The following ARHGAP40 variants were observed in gnomAD, a reference collection of about 807,000 sequenced individuals.
ARHGAP40 encodes rho GTPase-activating protein 40.
A neutral mutation model predicts 73.5 loss-of-function variants in ARHGAP40; 43 were observed. That is an observed-to-expected ratio of 0.58 (90% CI 0.46 to 0.75). The LOEUF (loss-of-function observed/expected upper bound fraction) is 0.75, where lower values mean the gene tolerates loss of function less well. Ranked by LOEUF, ARHGAP40 falls within the 30% of genes least tolerant of loss-of-function variation. The pLI is 0.00. For synonymous variants in ARHGAP40, 300 were observed against 352.8 expected, an observed-to-expected ratio of 0.85 and a Z score of 1.68; for missense variants, 734 against 861.8, an observed-to-expected ratio of 0.85 and a Z score of 1.86.
At chr20:38,633,282 GAAT>G (rs548219531) in intron 5 of ARHGAP40, among the ~76,000 whole-genome samples, 2 of 151,996 alleles carry the variant, frequency 1.3e-5, no homozygotes, top group African/African-American at 4.8e-5. Flanking sequence ...ACTCTCCTCT[GAAT>G]AATAATAATA....
intron 2 of ARHGAP40, among the ~76,000 whole-genome samples, chr20:38,626,603 G>T (rs2088899816): frequency 6.6e-6 from 1 of 152,236 alleles, no homozygotes; most frequent in Non-Finnish European, 1.5e-5. Context: ...TCAACACCCA[G>T]CACCAACTTC....
At chr20:38,644,403 A>G (rs928237117) in intron 11 of ARHGAP40, among the ~76,000 whole-genome samples, 6 of 152,066 alleles carry the variant, frequency 3.9e-5, no homozygotes, top group Non-Finnish European at 8.8e-5. Context: ...TGGTGCCCCT[A>G]GCACTGAGAC....
At chr20:38,630,480 C>T (rs2088931943) in intron 5 of ARHGAP40, among the ~76,000 whole-genome samples, 1 of 152,136 alleles carries the variant, frequency 6.6e-6, no homozygotes, top group Non-Finnish European at 1.5e-5. Context: ...CTCAGCCTCC[C>T]AAAGTGCTGG....
rs553417048 is a variant in ARHGAP40, at chr20:38,626,355, TATTGCATTAGAATA to T, written c.338-637_338-624del. On this transcript the variant is annotated intron_variant, in intron 2 of 14. Transcript: ENST00000373345. ...TTTCTCAAGTGTGGTCTGAAGACCC[TATTGCATTAGAATA>T]ATCTGAGGAAGACATTCGAAGTGCA... 9.8e-5 allele frequency among the ~76,000 whole-genome samples: 15 copies of T among 152,308 alleles called. No individual in the cohort carries two copies. The East Asian group carries it at 2.7e-3, about 27-fold the overall frequency.
intron 1 of ARHGAP40, among the ~76,000 whole-genome samples, chr20:38,609,244 C>T (rs1015439671): frequency 6.6e-6 from 1 of 152,172 alleles, no homozygotes; most frequent in African/African-American, 2.4e-5. Flanking sequence ...GTCATCCTGC[C>T]TCCCTCCAAC....
intron 1 of ARHGAP40, among the ~76,000 whole-genome samples, chr20:38,621,026 G>A (rs2145600372): frequency 6.6e-6 from 1 of 152,276 alleles, no homozygotes; most frequent in African/African-American, 2.4e-5. Flanking sequence ...TTCCAAACCT[G>A]GGCCCTGTGT....
chr20:38,637,748 A>G (rs900738839), exon 7 of ARHGAP40: 2 of 1,305,280 alleles, frequency 1.5e-6, no homozygotes, highest in Admixed American at 2.3e-5. Context: ...GCCTGCTAGA[A>G]GCTGACCACA....
exon 9 of ARHGAP40, chr20:38,639,332 C>T (rs1292627797): frequency 3.8e-6 from 5 of 1,305,552 alleles, no homozygotes; most frequent in Non-Finnish European, 4.0e-6. Flanking sequence ...CATCCGGAAG[C>T]TGCCGACACC....
At chr20:38,642,127 C>G (rs1038393408) in intron 10 of ARHGAP40, among the ~76,000 whole-genome samples, 1 of 152,212 alleles carries the variant, frequency 6.6e-6, no homozygotes, top group Non-Finnish European at 1.5e-5. Context: ...CTCCCCAGGA[C>G]TTCTCAAAGC....
intron 9 of ARHGAP40, among the ~76,000 whole-genome samples, 181 bp from the exon 10 acceptor site, chr20:38,641,545 C>A (rs1417501102): frequency 6.6e-6 from 1 of 152,184 alleles, no homozygotes; most frequent in Admixed American, 6.5e-5. Context: ...CTCCCACGAG[C>A]ACTGGTCAGG....
At chr20:38,629,057 C>T in intron 4 of ARHGAP40, 55 bp downstream of exon 4, 1 of 1,238,248 alleles carries the variant, frequency 8.1e-7, no homozygotes, top group Non-Finnish European at 1.1e-6. Context: ...GCATAAAGGG[C>T]TGCTCTGTGA....
At chr20:38,630,042 C>G (rs868376017) in intron 5 of ARHGAP40, among the ~76,000 whole-genome samples, 1 of 145,520 alleles carries the variant, frequency 6.9e-6, no homozygotes, top group Non-Finnish European at 1.5e-5. Flanking sequence ...CCTCCCTTCC[C>G]TCCTCCTCCT....
In ARHGAP40 at chr20:38,629,017, T is replaced by G; in HGVS notation, c.634+15T>G. 1 of 1,303,194 alleles carries G rather than the reference T, an allele frequency of 7.7e-7. No homozygotes were observed. Among genetic ancestry groups the G allele is most frequent in the Non-Finnish European group, 1.0e-6 (1 of 987,786 alleles). 80.7% of individuals were successfully genotyped at this position (1,303,194 alleles called of 1,614,324 possible). On this transcript the variant is annotated intron_variant, in intron 4 of 14. Coordinates refer to ENST00000373345, the Ensembl canonical transcript of ARHGAP40. ...GTTTCCTCCAGGTAAGTGGTCTTCA[T>G]TCTCCAGGGCCCTGAGAATCCTCCA... is the stretch of plus-strand genomic sequence containing the variant.
Position 38,646,922 on chromosome 20 carries a change from T to TA in ARHGAP40, c.1711-34dup, listed in dbSNP as rs2145616675. The TA allele has an allele frequency of 2.3e-6, 3 of 1,288,990 alleles. No individual in the cohort carries two copies. Among genetic ancestry groups the TA allele is most frequent in the Non-Finnish European group, 2.0e-6 (2 of 978,714 alleles). The allele number at this position is 1,288,990 out of a possible 1,614,324, so 79.8% of individuals were successfully genotyped here. ...TTGGAACTCCAGGCAAGCTGACTCT[T>TA]ATGTATATGGATCTTTCTCTCTCTC... On this transcript the variant is annotated intron_variant, in intron 12 of 14. Transcript: ENST00000373345. This position sits in a 1 kb window ranked among gnomAD's most constrained non-coding sequence, Gnocchi z 4.5.
At position 38,646,150 on chromosome 20, in the gene ARHGAP40, A is replaced by C. The variant is rs1012854055; in HGVS notation, c.1673A>C (p.His558Pro). The change falls in exon 12 of 15, where the codon CAC (histidine) becomes CCC (proline). Residue 558 changes from histidine to proline, a missense_variant. Coordinates refer to ENST00000373345, the Ensembl canonical transcript of ARHGAP40. This position sits in a 1 kb window ranked among gnomAD's most constrained non-coding sequence, Gnocchi z 4.5. ...CTCAAGACTTGGCTGCGGAGGATGC[A>C]CGCAGACAGGGACAAGGCGGGGGAC... is the stretch of plus-strand genomic sequence containing the variant. 6.1e-6 allele frequency: 8 copies of C among 1,303,882 alleles called. No homozygotes were observed. In the African/African-American group the frequency reaches 1.1e-4, roughly 17 times the overall value. 80.8% of individuals were successfully genotyped at this position (1,303,882 alleles called of 1,614,324 possible). A position where few individuals can be genotyped will look rare whatever the true frequency, so the allele number is the denominator to read the frequency against.
At chr20:38,617,022 T>C (rs1269306438) in intron 1 of ARHGAP40, among the ~76,000 whole-genome samples, 2 of 152,192 alleles carry the variant, frequency 1.3e-5, no homozygotes, top group Admixed American at 1.3e-4. Flanking sequence ...CTCGGCTCAC[T>C]GCAACCTCCA....
At chr20:38,611,617 G>A (rs564747915) in intron 1 of ARHGAP40, among the ~76,000 whole-genome samples, 8 of 151,200 alleles carry the variant, frequency 5.3e-5, no homozygotes, top group African/African-American at 1.5e-4. Flanking sequence ...TTGCTCTGTC[G>A]CCCAGGCTGG....
At chr20:38,619,268 G>C (rs1018597462) in intron 1 of ARHGAP40, among the ~76,000 whole-genome samples, 1 of 152,140 alleles carries the variant, frequency 6.6e-6, no homozygotes, top group Non-Finnish European at 1.5e-5. Context: ...AGGATTCCTA[G>C]ATGCGGTGAA....
At chr20:38,618,403 A>G (rs220543) in intron 1 of ARHGAP40, among the ~76,000 whole-genome samples, 40,420 of 152,068 alleles carry the variant, frequency 0.27, 8,328 homozygotes, top group African/African-American at 0.57. Context: ...CACCGCACCC[A>G]GCCCAAAGTT....
Sources: allele counts gnomAD v4.1 joint callset (sites outside exome capture counted in the v4.1 genomes callset), GRCh38; gene constraint gnomAD v4.1.1; non-coding constraint Gnocchi (gnomAD v3.1); transcripts MANE v1.5; gene names NCBI Gene and HGNC (gene_info 2026-07-23, HGNC 2026-07-21).